The following ZNF791 variants were observed in gnomAD, a reference collection of about 807,000 sequenced individuals.
ZNF791 encodes zinc finger protein 791.
Under a neutral mutation model 11.5 loss-of-function variants are expected in ZNF791, and 4 were observed. The ratio of observed to expected loss-of-function variants is 0.35; its 90% CI spans 0.17 to 0.80. ZNF791 has a LOEUF of 0.80. ZNF791 is among the 30% of genes least tolerant of loss of function. The pLI is 0.53. For missense variants in ZNF791, 559 were observed against 699.4 expected, an observed-to-expected ratio of 0.80 and a Z score of 2.26; for synonymous variants, 212 against 228.1, an observed-to-expected ratio of 0.93 and a Z score of 0.64.
intron 1 of ZNF791, among the ~76,000 whole-genome samples, chr19:12,615,037 T>TTTTA (rs57667202): frequency 7.4e-6 from 1 of 134,942 alleles, no homozygotes; most frequent in African/African-American, 2.8e-5. Context: ...TTTTTTTTTT[T>TTTTA]GAGACAGGGT....
intron 3 of ZNF791, among the ~76,000 whole-genome samples, chr19:12,626,255 T>C (rs980765298): frequency 6.6e-6 from 1 of 152,074 alleles, no homozygotes; most frequent in African/African-American, 2.4e-5. Flanking sequence ...GACCTCGTGA[T>C]CTGCCCACCT....
chr19:12,623,392 G>T, intron 1 of ZNF791: 1 of 318,868 alleles, frequency 3.1e-6, no homozygotes, highest in Non-Finnish European at 5.9e-6. Context: ...GTAGCAGAGC[G>T]AGACCATCTA....
chr19:12,611,233 C>G (rs2023150837), intron 1 of ZNF791, 151 bp downstream of exon 1: 2 of 1,068,252 alleles, frequency 1.9e-6, no homozygotes, highest in East Asian at 5.2e-5. Context: ...GCGGTCCCAG[C>G]CCCGGAGCCC....
chr19:12,616,526 G>A (rs1308224416), intron 1 of ZNF791, among the ~76,000 whole-genome samples: 1 of 152,074 alleles, frequency 6.6e-6, no homozygotes, highest in Non-Finnish European at 1.5e-5. Context: ...AGCTGCCAAG[G>A]GATCGGAGAA....
intron 3 of ZNF791, among the ~76,000 whole-genome samples, chr19:12,627,192 A>C: frequency 7.8e-6 from 1 of 127,812 alleles, no homozygotes; most frequent in East Asian, 2.0e-4. Context: ...AAATGAAACC[A>C]AAAAAAAAAA....
chr19:12,627,328 T>A (rs1442802304), intron 3 of ZNF791, among the ~76,000 whole-genome samples: 1 of 152,138 alleles, frequency 6.6e-6, no homozygotes, highest in African/African-American at 2.4e-5. Context: ...CTGAAAATGA[T>A]AAAAATTTAG....
rs547385359 is a variant in ZNF791, at chr19:12,613,300, G to A, written c.3+2218G>A. 1.1e-3 allele frequency among the ~76,000 whole-genome samples: 169 copies of A among 152,032 alleles called. 1 individual carries two copies. The highest frequency in any genetic ancestry group is 3.9e-3 in the African/African-American group (160 of 41,534). ...AAGGAACAATCCTTAAGAATTTAAGGGCCCGGCACGGTGGCTCATGCCTGT... is the reference window on the plus strand; with the variant it reads ...AAGGAACAATCCTTAAGAATTTAAGAGCCCGGCACGGTGGCTCATGCCTGT... On this transcript the variant is annotated intron_variant, in intron 1 of 3. Transcript: ENST00000343325.
At chr19:12,618,469 C>G (rs2023280567) in intron 1 of ZNF791, among the ~76,000 whole-genome samples, 1 of 151,904 alleles carries the variant, frequency 6.6e-6, no homozygotes, top group Non-Finnish European at 1.5e-5. Flanking sequence ...CGTGACTGCA[C>G]CACTGTACTC....
chr19:12,623,746 A>G lies in ZNF791; in HGVS notation c.50A>G (p.Glu17Gly). ...GTGTCTGTGAGCTTCAGCCAGGAGG[A>G]GTGGGCTCTGCTGGCTCCTTCACAG... ...EDVSVSFSQE[E>G]WALLAPSQKK... The change falls in exon 2 of 4, where the codon GAG (glutamate) becomes GGG (glycine). Residue 17 changes from glutamate to glycine, a missense_variant. Glu to Gly is a moderately conservative substitution (Grantham distance 98). Coordinates refer to ENST00000343325, the MANE Select transcript of ZNF791 (RefSeq NM_153358.3). 6.2e-7 allele frequency: 1 copy of G among 1,612,830 alleles called. No homozygotes were observed. The highest frequency in any genetic ancestry group is 1.1e-5 in the South Asian group (1 of 91,038).
chr19:12,622,411 C>CAA (rs370413296), intron 1 of ZNF791, among the ~76,000 whole-genome samples: 35,963 of 79,560 alleles, frequency 0.45, 8,259 homozygotes, highest in Non-Finnish European at 0.54. Context: ...CTGTCTCAAA[C>CAA]AAAAAAAAAA....
chr19:12,614,544 C>T (rs1229126643), intron 1 of ZNF791, among the ~76,000 whole-genome samples: 1 of 150,408 alleles, frequency 6.6e-6, no homozygotes, highest in Non-Finnish European at 1.5e-5. Flanking sequence ...GCCGGGGTTA[C>T]GTTTTTCAAG....
At chr19:12,620,515 C>T (rs1323538742) in intron 1 of ZNF791, among the ~76,000 whole-genome samples, 1 of 151,982 alleles carries the variant, frequency 6.6e-6, no homozygotes, top group Admixed American at 6.6e-5. Context: ...GTAAATAAAC[C>T]TTACAGAGAG....
intron 1 of ZNF791, among the ~76,000 whole-genome samples, chr19:12,613,345 G>A (rs565842007): frequency 1.3e-5 from 2 of 152,050 alleles, no homozygotes; most frequent in Admixed American, 1.3e-4. Flanking sequence ...ACTTTGGGAG[G>A]CCAAGGAGGG....
chr19:12,625,309 CAG>C (rs1325113150), intron 3 of ZNF791, among the ~76,000 whole-genome samples: 1 of 149,750 alleles, frequency 6.7e-6, no homozygotes, highest in African/African-American at 2.4e-5. Flanking sequence ...TTAGTAGAGA[CAG>C]GGTTTCTCCA....
At position 12,623,916 on chromosome 19, in the gene ZNF791, C is replaced by T. The variant is rs1024031431; in HGVS notation, c.130+90C>T. On this transcript the variant is annotated intron_variant, in intron 2 of 3. Coordinates refer to ENST00000343325, the MANE Select transcript of ZNF791 (RefSeq NM_153358.3). ...TATTGTCCAGGCTGGAGAGCAATGGCACAATCTCAGCTCACCACAACCTCA... is the reference window on the plus strand; with the variant it reads ...TATTGTCCAGGCTGGAGAGCAATGGTACAATCTCAGCTCACCACAACCTCA... The T allele has an allele frequency of 3.0e-5, 34 of 1,129,534 alleles. No individual in the cohort carries two copies. In the Admixed American group the frequency reaches 1.1e-3, roughly 35 times the overall value. The allele number at this position is 1,129,534 out of a possible 1,614,324, so 70.0% of individuals were successfully genotyped here.
At chr19:12,614,924 T>TTTTG in intron 1 of ZNF791, among the ~76,000 whole-genome samples, 1 of 134,044 alleles carries the variant, frequency 7.5e-6, no homozygotes. Flanking sequence ...TTTTTTTTTT[T>TTTTG]TTTGATACAG....
chr19:12,622,364 A>T (rs1486595657), intron 1 of ZNF791, among the ~76,000 whole-genome samples: 6 of 143,524 alleles, frequency 4.2e-5, no homozygotes, highest in Non-Finnish European at 7.6e-5. Context: ...AAATAAATTA[A>T]AAAAAATAAT....
At chr19:12,626,380 A>G (rs1406564238) in intron 3 of ZNF791, among the ~76,000 whole-genome samples, 2 of 149,984 alleles carry the variant, frequency 1.3e-5, no homozygotes, top group Admixed American at 1.3e-4. Context: ...CGATCTCCTG[A>G]CCTCGTGATC....
At chr19:12,612,232 T>C in intron 1 of ZNF791, 1 of 645,612 alleles carries the variant, frequency 1.5e-6, no homozygotes, top group Non-Finnish European at 1.9e-6. Flanking sequence ...ACAGATGGGG[T>C]CTGGCTGTGT....
Sources: gnomAD v4.1 joint callset for allele counts (sites outside exome capture counted in the v4.1 genomes callset) on GRCh38, gnomAD v4.1.1 for gene constraint, MANE v1.5 for transcripts, NCBI Gene and HGNC (gene_info 2026-07-23, HGNC 2026-07-21) for gene names.